The following CC2D2A variants were observed in gnomAD, a reference collection of about 807,000 sequenced individuals.
CC2D2A encodes the protein coiled-coil and C2 domain-containing protein 2A.
Under a neutral mutation model 212.9 loss-of-function variants are expected in CC2D2A, and 155 were observed. The observed-to-expected ratio is 0.73, with a 90% CI of 0.64 to 0.83. The LOEUF (loss-of-function observed/expected upper bound fraction) is 0.83. Among genes scored for constraint, CC2D2A ranks in the 40% least tolerant of loss-of-function variants. CC2D2A has a pLI of 0.00. For missense variants in CC2D2A, 1,856 were observed against 1,956.2 expected (o/e 0.95, Z 0.97); for synonymous variants, 667 against 686.5 (o/e 0.97, Z 0.44).
chr4:15,597,579 T>C (rs1429695275), intron 35 of CC2D2A, 114 bp downstream of exon 35: 2 of 810,168 alleles, frequency 2.5e-6, no homozygotes, highest in African/African-American at 1.7e-5. Context: ...TTAACTTTAA[T>C]TCATGTTTAT....
rs970431525 is a variant in CC2D2A, at chr4:15,567,392, G to A, written c.3198G>A (p.Pro1066=). The A allele has an allele frequency of 5.0e-6, 8 of 1,612,548 alleles. No homozygotes were observed. The highest frequency in any genetic ancestry group is 4.0e-5 in the African/African-American group (3 of 74,820). ...RKPAVSKFQQ[P]SRSSRMFSEK... ...TCTCTCCTAGCAAATTCCAGCAGCCGTCGAGGTCTTCAAGGATGTTCAGTG... is the reference window on the plus strand; with the variant it reads ...TCTCTCCTAGCAAATTCCAGCAGCCATCGAGGTCTTCAAGGATGTTCAGTG... The change falls in exon 25 of 37, where the codon CCG becomes CCA. Residue 1066 remains proline, a synonymous_variant. Transcript: ENST00000424120.
chr4:15,531,414 C>T (rs10755215), intron 13 of CC2D2A, among the ~76,000 whole-genome samples: 47,891 of 152,084 alleles, frequency 0.31, 8,605 homozygotes, highest in Non-Finnish European at 0.42. Flanking sequence ...CTCCTCTGTC[C>T]AGCTTATACG....
Position 15,596,200 on chromosome 4 carries a change from G to A in CC2D2A, c.4430G>A (p.Ser1477Asn). 6.5e-7 allele frequency: 1 copy of A among 1,536,844 alleles called. No homozygotes were observed. Among genetic ancestry groups the A allele is most frequent in the Non-Finnish European group, 8.8e-7 (1 of 1,140,760 alleles). The part of the protein sequence containing the change: ...SRSLPYPGLS[S>N]VQPEELIYQR... ...AGCCTTCCATATCCTGGCCTTTCCA[G>A]TGTTCAGGTATAAATCTTTTATTAA... The change falls in exon 34 of 37, where the codon AGT (serine) becomes AAT (asparagine). Residue 1477 changes from serine to asparagine, a missense_variant. Around this residue, in one of 5 missense-constraint regions of CC2D2A, gnomAD observed 285 missense variants for 278.4 expected, o/e 1.02. Transcript: ENST00000424120.
rs1029316601 is a variant in CC2D2A, at chr4:15,514,689, C to T, written c.718-18C>T. ...ATCTTAGCATGATTTTTTCTTGTTACTTTTTAACATTATGCAGGATGAGGA... is the reference window on the plus strand; with the variant it reads ...ATCTTAGCATGATTTTTTCTTGTTATTTTTTAACATTATGCAGGATGAGGA... On this transcript the variant is annotated intron_variant, in intron 8 of 36. Coordinates refer to ENST00000424120, the MANE Select transcript of CC2D2A (RefSeq NM_001378615.1). 1.4e-6 allele frequency: 2 copies of T among 1,467,166 alleles called. No individual in the cohort carries two copies. Among genetic ancestry groups the T allele is most frequent in the Non-Finnish European group, 9.1e-7 (1 of 1,099,858 alleles). 90.9% of individuals were successfully genotyped at this position (1,467,166 alleles called of 1,614,324 possible).
At chr4:15,569,960 T>C (rs1009014431) in intron 27 of CC2D2A, among the ~76,000 whole-genome samples, 5 of 152,192 alleles carry the variant, frequency 3.3e-5, no homozygotes, top group African/African-American at 1.2e-4. Context: ...TAGCCGTCAC[T>C]CAAGATGGAG....
chr4:15,527,993 C>G (rs961651703), intron 12 of CC2D2A, among the ~76,000 whole-genome samples: 1 of 152,200 alleles, frequency 6.6e-6, no homozygotes, highest in African/African-American at 2.4e-5. Flanking sequence ...TTGAGAATAT[C>G]TGTCCTTAGA....
chr4:15,583,965 G>T (rs1486693243), intron 30 of CC2D2A, among the ~76,000 whole-genome samples: 1 of 110,608 alleles, frequency 9.0e-6, no homozygotes, highest in Non-Finnish European at 2.1e-5. Flanking sequence ...AAAAAAAAAA[G>T]AAAAGAAAAG....
At chr4:15,487,339 G>A (rs1715052347) in intron 4 of CC2D2A, among the ~76,000 whole-genome samples, 1 of 151,990 alleles carries the variant, frequency 6.6e-6, no homozygotes, top group South Asian at 2.1e-4. Context: ...GGGTGCCTAT[G>A]TATTTACAAG....
chr4:15,566,481 CT>C (rs1719885991), intron 24 of CC2D2A, among the ~76,000 whole-genome samples: 1 of 152,060 alleles, frequency 6.6e-6, no homozygotes, highest in Non-Finnish European at 1.5e-5. Context: ...CAGGCGCCCC[CT>C]AGAAGGGAGG....
chr4:15,595,323 A>G (rs1721271935), intron 33 of CC2D2A, among the ~76,000 whole-genome samples: 1 of 152,218 alleles, frequency 6.6e-6, no homozygotes, highest in East Asian at 1.9e-4. Flanking sequence ...AATGGTAAAT[A>G]AGGCACATAG....
intron 4 of CC2D2A, among the ~76,000 whole-genome samples, chr4:15,496,533 T>A (rs932848597): frequency 7.2e-5 from 11 of 152,164 alleles, no homozygotes; most frequent in African/African-American, 2.4e-4. Flanking sequence ...TGGTTGTAGA[T>A]GTGTGGCTTT....
intron 17 of CC2D2A, among the ~76,000 whole-genome samples, chr4:15,549,448 CT>C (rs1718880597): frequency 6.6e-6 from 1 of 152,144 alleles, no homozygotes; most frequent in Non-Finnish European, 1.5e-5. Flanking sequence ...AGCCAGCCAT[CT>C]TGCAAAGGTG....
rs1402828879 is a variant in CC2D2A, at chr4:15,540,910, G to A, written c.2077G>A (p.Val693Met). ...AAAAGTGCTGTTCAACAACAAGGAGGTGTCCAGGACAGTCAGTCGGCCACT... is the reference window on the plus strand; with the variant it reads ...AAAAGTGCTGTTCAACAACAAGGAGATGTCCAGGACAGTCAGTCGGCCACT... ...YLKVLFNNKE[V>M]SRTVSRPLGA... The change falls in exon 17 of 37, where the codon GTG (valine) becomes ATG (methionine). Residue 693 changes from valine to methionine, a missense_variant. Transcript: ENST00000424120. The A allele has an allele frequency of 1.3e-6, 2 of 1,586,988 alleles. No individual in the cohort carries two copies. Among genetic ancestry groups the A allele is most frequent in the African/African-American group, 1.3e-5 (1 of 74,282 alleles).
intron 22 of CC2D2A, 70 bp downstream of exon 22, chr4:15,559,327 T>C (rs1719448770): frequency 3.1e-6 from 3 of 979,932 alleles, no homozygotes; most frequent in Non-Finnish European, 4.6e-6. Context: ...GAAAGTCCTC[T>C]ACTCTTTTAA....
At chr4:15,480,984 T>A (rs1714604773) in intron 4 of CC2D2A, among the ~76,000 whole-genome samples, 157 bp downstream of exon 4, 1 of 152,178 alleles carries the variant, frequency 6.6e-6, no homozygotes, top group African/African-American at 2.4e-5. Context: ...TCTAGGTTAA[T>A]CCCTGCCAAG....
chr4:15,559,622 C>G (rs1267632070), intron 22 of CC2D2A, among the ~76,000 whole-genome samples: 1 of 152,084 alleles, frequency 6.6e-6, no homozygotes, highest in Non-Finnish European at 1.5e-5. Context: ...TGCCCTTATG[C>G]ACTAGAAAAC....
At chr4:15,532,876 T>G (rs1052852428) in intron 13 of CC2D2A, among the ~76,000 whole-genome samples, 2 of 152,242 alleles carry the variant, frequency 1.3e-5, no homozygotes, top group African/African-American at 4.8e-5. Context: ...GCTGTGTTTA[T>G]AATAATTTAG....
intron 8 of CC2D2A, among the ~76,000 whole-genome samples, chr4:15,513,106 G>A (rs948941279): frequency 6.6e-6 from 1 of 152,074 alleles, no homozygotes; most frequent in Non-Finnish European, 1.5e-5. Context: ...ATGCCTCCCG[G>A]AAATGTACTT....
At chr4:15,500,099 G>GTATATATATATATATATA (rs71179633) in intron 4 of CC2D2A, among the ~76,000 whole-genome samples, 3 of 69,806 alleles carry the variant, frequency 4.3e-5, no homozygotes, top group Admixed American at 1.3e-4. Flanking sequence ...GTGTGTGTGT[G>GTATATATATATATATATA]TGTGTGTGTA....
Sources: allele counts gnomAD v4.1 joint callset (sites outside exome capture counted in the v4.1 genomes callset), GRCh38; gene constraint gnomAD v4.1.1; regional missense constraint gnomAD v4.1.1; transcripts MANE v1.5; gene names NCBI Gene and HGNC (gene_info 2026-07-23, HGNC 2026-07-21).